The following OTOG variants were observed in gnomAD, a reference collection of about 807,000 sequenced individuals.
OTOG encodes otogelin.
Under a neutral mutation model 313.8 loss-of-function variants are expected in OTOG, and 296 were observed. The ratio of observed to expected loss-of-function variants is 0.94; its 90% CI spans 0.86 to 1.04. The LOEUF (loss-of-function observed/expected upper bound fraction) is 1.04. OTOG is among the 50% of genes least tolerant of loss of function. The pLI is 0.00. For missense variants in OTOG, 3,948 were observed against 3,840.1 expected (o/e 1.03, Z -0.74); for synonymous variants, 1,533 against 1,554.9 (o/e 0.99, Z 0.33).
In OTOG at chr11:17,599,631, T is replaced by A. The variant is rs916004022; in HGVS notation, c.3683-40T>A. On this transcript the variant is annotated intron_variant, in intron 30 of 55. Transcript: ENST00000399397. ...GGCTCTGTCTGTCTGTTCCAGGCTC[T>A]GGGCTGGCTCTCAGGAAGTTCCTGT... The A allele has an allele frequency of 1.9e-6, 3 of 1,549,888 alleles. No individual in the cohort carries two copies. The African/African-American group carries it at 4.1e-5, about 21-fold the overall frequency.
At chr11:17,560,079 AG>A (rs1197112054) in intron 12 of OTOG, among the ~76,000 whole-genome samples, 2 of 152,246 alleles carry the variant, frequency 1.3e-5, no homozygotes, top group African/African-American at 2.4e-5. Context: ...GCGCTTCTTA[AG>A]GTGTGTATGA....
chr11:17,597,376 A>C (rs1853137319), intron 30 of OTOG, among the ~76,000 whole-genome samples: 1 of 152,048 alleles, frequency 6.6e-6, no homozygotes, highest in Non-Finnish European at 1.5e-5. Flanking sequence ...CAAACAACTC[A>C]CCCAACCTCT....
chr11:17,604,530 T>C (rs1853334196), intron 32 of OTOG, among the ~76,000 whole-genome samples: 1 of 152,228 alleles, frequency 6.6e-6, no homozygotes, highest in African/African-American at 2.4e-5. Context: ...CCTGCCTCCC[T>C]CATCCGCCGT....
At chr11:17,571,463 G>A (rs1852402396) in intron 17 of OTOG, among the ~76,000 whole-genome samples, 1 of 152,188 alleles carries the variant, frequency 6.6e-6, no homozygotes, top group Non-Finnish European at 1.5e-5. Flanking sequence ...TTGGAGACTT[G>A]TGATGCCTAG....
intron 8 of OTOG, among the ~76,000 whole-genome samples, chr11:17,557,712 A>AGG (rs35512689): frequency 0.15 from 22,291 of 152,044 alleles, 2,022 homozygotes; most frequent in Admixed American, 0.28. Flanking sequence ...AAGTGAGTGA[A>AGG]GCGTTCAGGG....
chr11:17,602,388 T>A lies in OTOG; in HGVS notation c.3877+11T>A, dbSNP rs1565112496. On this transcript the variant is annotated intron_variant, in intron 32 of 55. Coordinates refer to ENST00000399397, the MANE Select transcript of OTOG (RefSeq NM_001292063.2). Reference sequence around the variant, plus strand: ...AGGCCAAGGCCCATGGTAAGGCCCATCCCAGTCCCACTCCAGCTCTTCTGG... The same window carrying A: ...AGGCCAAGGCCCATGGTAAGGCCCAACCCAGTCCCACTCCAGCTCTTCTGG... The A allele has an allele frequency of 1.3e-6, 2 of 1,546,288 alleles. No homozygotes were observed. Among genetic ancestry groups the A allele is most frequent in the African/African-American group, 2.7e-5 (2 of 73,068 alleles).
In OTOG at chr11:17,552,002, G is replaced by T. The variant is rs1851946356; in HGVS notation, c.219G>T (p.Gln73His). 4 of 1,550,336 alleles carry T rather than the reference G, an allele frequency of 2.6e-6. No homozygotes were observed. Among genetic ancestry groups the T allele is most frequent in the Admixed American group, 2.0e-5 (1 of 50,982 alleles). Residue 73 changes from glutamine (Q) to histidine (H), a missense_variant and splice_region_variant, in exon 4 of 56, where the codon CAG (glutamine) becomes CAT (histidine). Physicochemically the swap from Gln to His is conservative, Grantham distance 24. Transcript: ENST00000399397. ...TCTCTTCCTCCTGTCTTCACAAGCA[G>T]GCTGAAGCCCCAGACTCCGTGGCCA... ...GDKATVVGGQ[Q>H]AEAPDSVAMS...
chr11:17,567,286 G>A (rs1852309953), intron 15 of OTOG, among the ~76,000 whole-genome samples: 1 of 152,176 alleles, frequency 6.6e-6, no homozygotes, highest in Non-Finnish European at 1.5e-5. Flanking sequence ...CTGTTTCAGG[G>A]ATTTTCTGTA....
intron 31 of OTOG, among the ~76,000 whole-genome samples, chr11:17,601,705 A>T (rs1212537463): frequency 6.6e-6 from 1 of 152,160 alleles, no homozygotes; most frequent in Non-Finnish European, 1.5e-5. Context: ...CAGGAAGCCC[A>T]TGCTCTGTGC....
At position 17,553,600 on chromosome 11, in the gene OTOG, T is replaced by C. The variant is rs887932608; in HGVS notation, c.540+81T>C. 1.5e-5 allele frequency: 18 copies of C among 1,228,654 alleles called. 1 individual carries two copies. In the South Asian group the frequency reaches 2.2e-4, roughly 15 times the overall value. The allele number at this position is 1,228,654 out of a possible 1,614,324, so 76.1% of individuals were successfully genotyped here. Reference sequence around the variant, plus strand: ...GCACTGGCCTGGGCTCTACTTGTCATAGTTAGAGAGACTGGCACCTTCCTC... The same window carrying C: ...GCACTGGCCTGGGCTCTACTTGTCACAGTTAGAGAGACTGGCACCTTCCTC... On this transcript the variant is annotated intron_variant, in intron 6 of 55. Coordinates refer to ENST00000399397, the MANE Select transcript of OTOG (RefSeq NM_001292063.2).
chr11:17,601,958 C>T (rs573290570), intron 31 of OTOG, among the ~76,000 whole-genome samples: 1 of 152,224 alleles, frequency 6.6e-6, no homozygotes, highest in East Asian at 1.9e-4. Flanking sequence ...TCGCCTTCTT[C>T]CTTGGCTCCC....
At chr11:17,567,006 T>C (rs1435964949) in intron 15 of OTOG, among the ~76,000 whole-genome samples, 1 of 152,264 alleles carries the variant, frequency 6.6e-6, no homozygotes, top group East Asian at 1.9e-4. Context: ...AAATATTTTA[T>C]GCACATTTAA....
At chr11:17,592,220 G>A (rs1214168808) in intron 25 of OTOG, among the ~76,000 whole-genome samples, 1 of 152,080 alleles carries the variant, frequency 6.6e-6, no homozygotes, top group Non-Finnish European at 1.5e-5. Flanking sequence ...TGTCACCCAG[G>A]GGACCTTGGG....
intron 31 of OTOG, among the ~76,000 whole-genome samples, chr11:17,600,209 A>G (rs1853215208): frequency 6.6e-6 from 1 of 151,770 alleles, no homozygotes. Context: ...GAGGGTGAAA[A>G]CACAGGTCAT....
At chr11:17,565,570 C>A (rs1272397434) in intron 15 of OTOG, among the ~76,000 whole-genome samples, 2 of 152,148 alleles carry the variant, frequency 1.3e-5, no homozygotes, top group Non-Finnish European at 2.9e-5. Context: ...GGAAGTTATT[C>A]TCCCCCTCCT....
rs551850126 is a variant in OTOG at position 17,593,203 on chromosome 11, A to T, written c.3017A>T (p.Asp1006Val). Residue 1006 changes from aspartate (D) to valine (V), a missense_variant, in exon 26 of 56, where the codon GAT becomes GTT. Transcript: ENST00000399397. ...TTATTCTCTCCTCAGAGCACATCAG[A>T]TGTCAGCTTCTCTGTGATTGTAGAG... ...CKVHLVKSTS[D>V]VSFSVIVENV... is the part of the protein sequence containing the mutation. The T allele has an allele frequency of 1.3e-4, 209 of 1,550,246 alleles. 2 individuals are homozygous for T. In the East Asian group the frequency reaches 3.3e-3, roughly 25 times the overall value.
intron 35 of OTOG, 40 bp downstream of exon 35, chr11:17,609,249 T>G: frequency 1.3e-6 from 2 of 1,521,374 alleles, no homozygotes; most frequent in Non-Finnish European, 1.8e-6. Context: ...TCAGATTTCC[T>G]CTAAGTCCCT....
chr11:17,606,334 G>A (rs897258370), intron 33 of OTOG, among the ~76,000 whole-genome samples, 199 bp downstream of exon 33: 3 of 152,266 alleles, frequency 2.0e-5, no homozygotes, highest in Admixed American at 6.5e-5. Flanking sequence ...GCCACGGACA[G>A]TGTGCTTGGG....
At chr11:17,603,752 C>T (rs1423964942) in intron 32 of OTOG, among the ~76,000 whole-genome samples, 2 of 152,080 alleles carry the variant, frequency 1.3e-5, no homozygotes, top group African/African-American at 4.8e-5. Flanking sequence ...GATGGTTATG[C>T]GAAGAAGTGG....
Sources: allele counts gnomAD v4.1 joint callset (sites outside exome capture counted in the v4.1 genomes callset), GRCh38; gene constraint gnomAD v4.1.1; transcripts MANE v1.5; gene names NCBI Gene and HGNC (gene_info 2026-07-23, HGNC 2026-07-21).